GRM3: variants seen among roughly 807,000 people sequenced by gnomAD.
The protein encoded by GRM3 is glutamate metabotropic receptor 3.
GRM3 carries 26 observed loss-of-function variants against 70.5 expected under a neutral mutation model. That is an observed-to-expected ratio of 0.37 (90% CI 0.27 to 0.51). The LOEUF is 0.51. Among genes scored for constraint, GRM3 ranks in the 20% least tolerant of loss-of-function variants. The pLI is 0.93. For missense variants in GRM3, 859 were observed against 1,123.8 expected (o/e 0.76, Z 3.37); for synonymous variants, 443 against 434.9 (o/e 1.02, Z -0.23).
intron 2 of GRM3, among the ~76,000 whole-genome samples, chr7:86,781,608 T>C (rs1054161397): frequency 7.2e-5 from 11 of 152,278 alleles, no homozygotes; most frequent in African/African-American, 2.2e-4. Context: ...TTCTGCCTAT[T>C]AGTTGTCTAA....
intron 3 of GRM3, among the ~76,000 whole-genome samples, chr7:86,823,715 A>G (rs1798174601): frequency 6.6e-6 from 1 of 150,378 alleles, no homozygotes; most frequent in Non-Finnish European, 1.5e-5. Context: ...ATCAATAGCC[A>G]AGCAGAAACA....
intron 1 of GRM3, among the ~76,000 whole-genome samples, chr7:86,705,704 CA>C (rs1795041776): frequency 1.3e-5 from 2 of 151,848 alleles, no homozygotes. Flanking sequence ...CAAACAAAAA[CA>C]AAACAAAAAA....
chr7:86,789,542 G>A (rs746916143), intron 3 of GRM3, among the ~76,000 whole-genome samples: 4 of 152,012 alleles, frequency 2.6e-5, no homozygotes, highest in Non-Finnish European at 4.4e-5. Context: ...AAGCAGATTT[G>A]TTTTACTTTT....
intron 1 of GRM3, among the ~76,000 whole-genome samples, chr7:86,763,579 G>A (rs144989014): frequency 6.6e-6 from 1 of 152,106 alleles, no homozygotes; most frequent in East Asian, 1.9e-4. Context: ...TCACAGCAAG[G>A]CTTTGCCTGA....
At chr7:86,806,418 C>T (rs1451280735) in intron 3 of GRM3, among the ~76,000 whole-genome samples, 2 of 152,130 alleles carry the variant, frequency 1.3e-5, no homozygotes, top group Admixed American at 1.3e-4. Context: ...CTGTTGTTTC[C>T]TGACTTTTTA....
intron 3 of GRM3, among the ~76,000 whole-genome samples, chr7:86,816,627 T>C (rs2237564): frequency 0.27 from 41,071 of 151,846 alleles, 5,944 homozygotes; most frequent in Non-Finnish European, 0.32. Context: ...TATGATCTCG[T>C]TCCTTTTTAT....
chr7:86,690,345 T>C (rs1584167880), intron 1 of GRM3, among the ~76,000 whole-genome samples: 1 of 152,286 alleles, frequency 6.6e-6, no homozygotes, highest in Middle Eastern at 3.4e-3. Context: ...AATTTTATCA[T>C]AATACAATAG....
At chr7:86,775,698 G>A (rs1171444644) in intron 2 of GRM3, among the ~76,000 whole-genome samples, 1 of 151,972 alleles carries the variant, frequency 6.6e-6, no homozygotes, top group Non-Finnish European at 1.5e-5. Context: ...TCCCTGTGAG[G>A]CCCTGGGTAT....
intron 1 of GRM3, among the ~76,000 whole-genome samples, chr7:86,694,529 G>GAAAAAAAAAAAAAAAAAAAA (rs71523715): frequency 1.4e-5 from 1 of 69,344 alleles, no homozygotes; most frequent in African/African-American, 5.3e-5. Flanking sequence ...AAAAAAAAAA[G>GAAAAAAAAAAAAAAAAAAAA]AAAAGAAAGA....
chr7:86,813,712 G>A (rs1254239916), intron 3 of GRM3, among the ~76,000 whole-genome samples: 1 of 151,666 alleles, frequency 6.6e-6, no homozygotes, highest in Non-Finnish European at 1.5e-5. Flanking sequence ...GAGGTGTATG[G>A]ATATGTCATG....
chr7:86,732,701 C>T (rs1795762935), intron 1 of GRM3, among the ~76,000 whole-genome samples: 1 of 152,136 alleles, frequency 6.6e-6, no homozygotes, highest in Non-Finnish European at 1.5e-5. Context: ...CAATAAGTTT[C>T]CAATGGTCAT....
chr7:86,774,724 C>A (rs931760035), intron 2 of GRM3, among the ~76,000 whole-genome samples: 2 of 152,098 alleles, frequency 1.3e-5, no homozygotes, highest in Non-Finnish European at 2.9e-5. Flanking sequence ...TTTTCCCAGG[C>A]ACAGTGCCTC....
chr7:86,717,174 CTGTGCTAACTCCCCA>C (rs1795337305), intron 1 of GRM3, among the ~76,000 whole-genome samples: 1 of 151,954 alleles, frequency 6.6e-6, no homozygotes, highest in East Asian at 1.9e-4. Context: ...TATCACTGGA[CTGTGCTAACTCCCCA>C]TGTAGTTTTG....
chr7:86,715,843 G>A (rs946906200), intron 1 of GRM3, among the ~76,000 whole-genome samples: 3 of 151,974 alleles, frequency 2.0e-5, no homozygotes, highest in African/African-American at 7.2e-5. Context: ...ATCTTGCAAT[G>A]GCATTTAAAC....
At position 86,764,930 on chromosome 7, in the gene GRM3, G is replaced by A. The variant is rs1796564372; in HGVS notation, c.-140-76G>A. On this transcript the variant is annotated intron_variant, in intron 1 of 5. Coordinates refer to ENST00000361669, the MANE Select transcript of GRM3 (RefSeq NM_000840.3). ...GGTTTTCTGAGTCATCCCATTAAAG[G>A]TCTGATTGGGCATGATCGATGTAAT... The A allele has an allele frequency of 2.9e-6, 3 of 1,033,304 alleles. No homozygotes were observed. In the South Asian group the frequency reaches 6.5e-5, roughly 22 times the overall value. The allele number at this position is 1,033,304 out of a possible 1,614,324, so 64.0% of individuals were successfully genotyped here. A position where few individuals can be genotyped will look rare whatever the true frequency, so the allele number is the denominator to read the frequency against.
At chr7:86,780,548 G>A (rs954754286) in intron 2 of GRM3, among the ~76,000 whole-genome samples, 1 of 152,110 alleles carries the variant, frequency 6.6e-6, no homozygotes, top group Non-Finnish European at 1.5e-5. Context: ...AAAATAAAAT[G>A]ACAGTACATG....
intron 2 of GRM3, among the ~76,000 whole-genome samples, chr7:86,782,443 G>A (rs756632273): frequency 2.0e-5 from 3 of 151,986 alleles, no homozygotes; most frequent in Non-Finnish European, 4.4e-5. Context: ...GAAAGTAAGA[G>A]GGATGGAGCA....
At chr7:86,742,886 G>A (rs12704285) in intron 1 of GRM3, among the ~76,000 whole-genome samples, 2,177 of 152,160 alleles carry the variant, frequency 0.014, 19 homozygotes, top group Middle Eastern at 0.037. Context: ...AAAGCGCTTC[G>A]AGGTATTTAC....
At chr7:86,717,601 T>A (rs769999399) in intron 1 of GRM3, among the ~76,000 whole-genome samples, 3 of 151,936 alleles carry the variant, frequency 2.0e-5, no homozygotes, top group Admixed American at 6.6e-5. Flanking sequence ...AAGTATCAAA[T>A]TCCCTAGAAA....
Sources: allele counts gnomAD v4.1 joint callset (sites outside exome capture counted in the v4.1 genomes callset), GRCh38; gene constraint gnomAD v4.1.1; transcripts MANE v1.5; gene names NCBI Gene and HGNC (gene_info 2026-07-23, HGNC 2026-07-21).